The following ATP1B3 variants were observed in gnomAD, a reference collection of about 807,000 sequenced individuals.
The protein encoded by ATP1B3 is sodium/potassium-transporting ATPase subunit beta-3.
In ATP1B3, 10 loss-of-function variants were observed where a neutral mutation model predicts 30.2. The ratio of observed to expected loss-of-function variants is 0.33; its 90% confidence interval spans 0.20 to 0.56. The LOEUF is 0.56. ATP1B3 is among the 20% of genes least tolerant of loss of function. The pLI is 0.90. For synonymous variants in ATP1B3, 113 were observed against 117.0 expected, an observed-to-expected ratio of 0.97 and a Z score of 0.22; for missense variants, 238 against 336.7, an observed-to-expected ratio of 0.71 and a Z score of 2.29.
At chr3:141,913,100 T>C (rs1934393667) in intron 3 of ATP1B3, among the ~76,000 whole-genome samples, 1 of 152,136 alleles carries the variant, frequency 6.6e-6, no homozygotes, top group African/African-American at 2.4e-5. Context: ...TAACATAGTT[T>C]ACAAGACTCT....
At chr3:141,903,493 C>G (rs1934205395) in intron 1 of ATP1B3, 127 bp from the exon 2 acceptor site, 1 of 1,357,640 alleles carries the variant, frequency 7.4e-7, no homozygotes. Context: ...GGATATTTGG[C>G]TATGTGCATG....
chr3:141,903,907 G>C (rs6440050), intron 2 of ATP1B3, among the ~76,000 whole-genome samples, 159 bp downstream of exon 2: 88,444 of 151,944 alleles, frequency 0.58, 27,175 homozygotes, highest in African/African-American at 0.8. Context: ...TCCTCAGCCT[G>C]CTAAGTAGCT....
chr3:141,900,932 A>G (rs926994070), intron 1 of ATP1B3, among the ~76,000 whole-genome samples: 2 of 152,214 alleles, frequency 1.3e-5, no homozygotes, highest in Admixed American at 6.5e-5. Flanking sequence ...ACAGGAGTGC[A>G]CCACCACGCC....
chr3:141,915,347 T>G lies in ATP1B3; in HGVS notation c.532-623T>G, dbSNP rs138886602. On this transcript the variant is annotated intron_variant, in intron 4 of 6. Coordinates refer to ENST00000286371, the MANE Select transcript of ATP1B3 (RefSeq NM_001679.4). ...ATACTTGTCTTTTGAGAGGAATATT[T>G]AGATTTTACGTGCATTCACGTGGAA... Among the ~76,000 whole-genome samples, 176 of 152,398 alleles carry G rather than the reference T, an allele frequency of 1.2e-3. 2 individuals carry two copies. The highest frequency in any genetic ancestry group is 4.2e-3 in the African/African-American group (174 of 41,604).
At chr3:141,925,350 C>T (rs6801746) in intron 6 of ATP1B3, among the ~76,000 whole-genome samples, 181 bp from the exon 7 acceptor site, 43,264 of 151,802 alleles carry the variant, frequency 0.29, 6,419 homozygotes, top group African/African-American at 0.34. Flanking sequence ...ATAGTCCCAG[C>T]TACTTAGGAA....
intron 6 of ATP1B3, among the ~76,000 whole-genome samples, chr3:141,924,631 A>G (rs141758347): frequency 3.2e-3 from 483 of 152,160 alleles, no homozygotes; most frequent in Non-Finnish European, 5.6e-3. Context: ...CCTGGGCAAC[A>G]TACTCCATTT....
chr3:141,900,974 G>C (rs1166526774), intron 1 of ATP1B3, among the ~76,000 whole-genome samples: 1 of 152,084 alleles, frequency 6.6e-6, no homozygotes, highest in Non-Finnish European at 1.5e-5. Context: ...GTAGAGACAG[G>C]GTTTCATCAT....
chr3:141,916,669 G>A (rs2107777950), intron 5 of ATP1B3: 1 of 918,940 alleles, frequency 1.1e-6, no homozygotes, highest in Non-Finnish European at 1.5e-6. Flanking sequence ...ATTTTACTTA[G>A]AATGTTACAT....
intron 3 of ATP1B3, among the ~76,000 whole-genome samples, chr3:141,910,628 CTT>C (rs1934341681): frequency 6.6e-6 from 1 of 152,022 alleles, no homozygotes. Flanking sequence ...TCTTGAGTCT[CTT>C]TTCTGGAAAA....
At chr3:141,877,975 C>A (rs1029991350) in intron 1 of ATP1B3, among the ~76,000 whole-genome samples, 1 of 152,102 alleles carries the variant, frequency 6.6e-6, no homozygotes, top group Admixed American at 6.5e-5. Flanking sequence ...TTGGGCACAA[C>A]ATTTTTAGGA....
chr3:141,924,071 C>T (rs1934611915), intron 6 of ATP1B3, among the ~76,000 whole-genome samples: 2 of 152,218 alleles, frequency 1.3e-5, no homozygotes, highest in Admixed American at 1.3e-4. Flanking sequence ...CTGCCTGGCA[C>T]GGTGGCTCAC....
intron 5 of ATP1B3, among the ~76,000 whole-genome samples, chr3:141,919,285 T>TTC (rs1553745641): frequency 4.0e-5 from 6 of 151,212 alleles, no homozygotes; most frequent in African/African-American, 1.5e-4. Context: ...CTTTTTTTTT[T>TTC]TCTCTCTCTC....
chr3:141,921,150 A>C (rs758583264), intron 5 of ATP1B3, among the ~76,000 whole-genome samples: 8 of 152,136 alleles, frequency 5.3e-5, no homozygotes, highest in Non-Finnish European at 1.2e-4. Context: ...CACTGATTTT[A>C]ATCATTGTGG....
chr3:141,921,724 C>G (rs1033256016), intron 5 of ATP1B3: 2 of 229,348 alleles, frequency 8.7e-6, no homozygotes, highest in Non-Finnish European at 1.6e-5. Context: ...AAGGGACTCT[C>G]ATGAAAGAGA....
At chr3:141,890,186 C>T (rs1170830513) in intron 1 of ATP1B3, among the ~76,000 whole-genome samples, 2 of 142,524 alleles carry the variant, frequency 1.4e-5, no homozygotes, top group Admixed American at 1.4e-4. Flanking sequence ...TAGGCTCAAG[C>T]GATCCTCCTG....
chr3:141,889,748 A>ATATATAT lies in ATP1B3; in HGVS notation c.109+12838_109+12839insTATATAT, dbSNP rs1211554880. Among the ~76,000 whole-genome samples the ATATATAT allele has an allele frequency of 9.3e-4, 76 of 81,410 alleles. 1 individual carries two copies. The highest frequency in any genetic ancestry group is 1.8e-3 in the African/African-American group (35 of 19,770). 53.4% of individuals were successfully genotyped at this position (81,410 alleles called of 152,430 possible). On this transcript the variant is annotated intron_variant, in intron 1 of 6. Transcript: ENST00000286371. ...CGTCTCAAAAAAAAAAAAAAAAAAA[A>ATATATAT]AAATATATACACACACACACACACA...
chr3:141,923,471 C>T (rs976003944), intron 6 of ATP1B3, among the ~76,000 whole-genome samples: 1 of 152,172 alleles, frequency 6.6e-6, no homozygotes, highest in African/African-American at 2.4e-5. Flanking sequence ...AGATGCAGCT[C>T]CTTGATCTTG....
chr3:141,920,372 C>A (rs1934545120), intron 5 of ATP1B3, among the ~76,000 whole-genome samples: 1 of 151,956 alleles, frequency 6.6e-6, no homozygotes, highest in Admixed American at 6.6e-5. Context: ...ACTAAAGATA[C>A]AAAAATCAGC....
chr3:141,918,239 T>C (rs1934504034), intron 5 of ATP1B3: 1 of 152,104 alleles, frequency 6.6e-6, no homozygotes, highest in African/African-American at 2.4e-5. Flanking sequence ...GGGGCTTGGG[T>C]GCTAGGCTTC....
Sources: allele counts gnomAD v4.1 joint callset (sites outside exome capture counted in the v4.1 genomes callset), GRCh38; gene constraint gnomAD v4.1.1; transcripts MANE v1.5; gene names NCBI Gene and HGNC (gene_info 2026-07-23, HGNC 2026-07-21).